The following SNX6 variants were observed in gnomAD, a reference collection of about 807,000 sequenced individuals.
SNX6 encodes sorting nexin 6, also known as sorting nexin-6.
Under a neutral mutation model 63.0 loss-of-function variants are expected in SNX6, and 34 were observed. That is an observed-to-expected ratio of 0.54 (90% CI 0.41 to 0.72). The LOEUF (loss-of-function observed/expected upper bound fraction) is 0.72, where lower values mean the gene tolerates loss of function less well. SNX6 is among the 30% of genes least tolerant of loss of function. The probability of loss-of-function intolerance (pLI) is 0.00; values close to 1 mark genes in which losing one functional copy is unlikely to be tolerated. For synonymous variants in SNX6, 170 were observed against 164.2 expected (o/e 1.04, Z -0.27); for missense variants, 398 against 471.4 (o/e 0.84, Z 1.44).
chr14:34,569,857 T>C (rs1881364140), intron 11 of SNX6, among the ~76,000 whole-genome samples: 1 of 152,206 alleles, frequency 6.6e-6, no homozygotes, highest in Non-Finnish European at 1.5e-5. Flanking sequence ...AACATTTGCA[T>C]ACAAGTGTTT....
intron 10 of SNX6, 95 bp from the exon 11 acceptor site, chr14:34,575,937 T>TG (rs1594701251): frequency 1.5e-6 from 1 of 671,270 alleles, no homozygotes; most frequent in Non-Finnish European, 2.4e-6. Flanking sequence ...TTTGTTTTTT[T>TG]TTTTGAGACG....
At chr14:34,593,612 A>C (rs1429788835) in intron 7 of SNX6, among the ~76,000 whole-genome samples, 8 of 133,576 alleles carry the variant, frequency 6.0e-5, no homozygotes, top group African/African-American at 1.2e-4. Context: ...TCGCTCTGTC[A>C]CCAGGCTGGA....
At chr14:34,621,608 T>C (rs889203739) in intron 2 of SNX6, among the ~76,000 whole-genome samples, 25 of 152,206 alleles carry the variant, frequency 1.6e-4, no homozygotes, top group Non-Finnish European at 1.6e-4. Flanking sequence ...GCAGGTTAGA[T>C]GCCTCACAGG....
chr14:34,587,254 C>T (rs932490468), intron 8 of SNX6, among the ~76,000 whole-genome samples: 3 of 151,624 alleles, frequency 2.0e-5, no homozygotes, highest in Admixed American at 6.6e-5. Flanking sequence ...ATAACATGGC[C>T]GGGCACGGTG....
At chr14:34,620,622 A>T (rs1428835147) in intron 2 of SNX6, among the ~76,000 whole-genome samples, 1 of 151,874 alleles carries the variant, frequency 6.6e-6, no homozygotes, top group African/African-American at 2.4e-5. Context: ...CTCAACCTTT[A>T]AAACAAAAAA....
chr14:34,587,845 C>G (rs1330086984), intron 8 of SNX6, among the ~76,000 whole-genome samples: 1 of 138,470 alleles, frequency 7.2e-6, no homozygotes, highest in Non-Finnish European at 1.5e-5. Flanking sequence ...AGGCCTGACT[C>G]TGCCACCCAG....
In SNX6 at chr14:34,629,727, G is replaced by A. The variant is rs1427475163; in HGVS notation, c.54+180C>T. ...GCGGGTCCCCGGGAATCGGAGCCGA[G>A]CGGCCCCTAGGGAGGAAGGGCTGCG... On this transcript the variant is annotated intron_variant, in intron 2 of 13. Transcript: ENST00000362031. 5.8e-6 allele frequency: 6 copies of A among 1,030,274 alleles called. No homozygotes were observed. In the African/African-American group the frequency reaches 8.0e-5, roughly 14 times the overall value. 63.8% of individuals were successfully genotyped at this position (1,030,274 alleles called of 1,614,324 possible). A position where few individuals can be genotyped will look rare whatever the true frequency, so the allele number is the denominator to read the frequency against.
At chr14:34,624,353 G>C (rs952894048) in intron 2 of SNX6, among the ~76,000 whole-genome samples, 1 of 152,086 alleles carries the variant, frequency 6.6e-6, no homozygotes, top group African/African-American at 2.4e-5. Flanking sequence ...TGCCCATCTC[G>C]GCCTCGCAAA....
intron 4 of SNX6, among the ~76,000 whole-genome samples, chr14:34,606,500 T>C (rs1226664623): frequency 6.6e-6 from 1 of 151,050 alleles, no homozygotes; most frequent in African/African-American, 2.4e-5. Flanking sequence ...TTGCCCAACC[T>C]GGACTGCAAT....
chr14:34,568,475 C>T lies in SNX6; in HGVS notation c.922-462G>A, dbSNP rs150303086. ...CGATCTCTTGACCTCGTGATCCACC[C>T]GCCTCGGCCTCCCAAAGTTATTCTA... On this transcript the variant is annotated intron_variant, in intron 11 of 13. Coordinates refer to ENST00000362031, the MANE Select transcript of SNX6 (RefSeq NM_152233.4). Among the ~76,000 whole-genome samples, 348 of 151,912 alleles carry T rather than the reference C, an allele frequency of 2.3e-3. 1 individual carries two copies. The highest frequency in any genetic ancestry group is 7.9e-3 in the African/African-American group (329 of 41,446).
intron 11 of SNX6, among the ~76,000 whole-genome samples, chr14:34,569,426 T>C (rs570730564): frequency 6.6e-6 from 1 of 152,076 alleles, no homozygotes; most frequent in Non-Finnish European, 1.5e-5. Flanking sequence ...GACATGTTTT[T>C]TTTTTTTGTT....
At chr14:34,603,783 G>A (rs10151832) in intron 5 of SNX6, among the ~76,000 whole-genome samples, 127,281 of 152,052 alleles carry the variant, frequency 0.84, 53,414 homozygotes, top group Non-Finnish European at 0.85. Context: ...AGCTCTACAG[G>A]AAGTGTGCTA....
chr14:34,600,479 T>C (rs139348439), intron 6 of SNX6, among the ~76,000 whole-genome samples: 3,143 of 151,878 alleles, frequency 0.021, 103 homozygotes, highest in African/African-American at 0.068. Context: ...GGTCTCACTA[T>C]GTTGCCCAGG....
At chr14:34,601,590 T>C (rs1336242892) in intron 6 of SNX6, among the ~76,000 whole-genome samples, 1 of 151,290 alleles carries the variant, frequency 6.6e-6, no homozygotes, top group Non-Finnish European at 1.5e-5. Context: ...TAACATGATT[T>C]ATTTTTTATT....
rs564085130 is a variant in SNX6, at chr14:34,593,618, C to CTGGA, written c.613-472_613-469dup. On this transcript the variant is annotated intron_variant, in intron 7 of 13. Coordinates refer to ENST00000362031, the MANE Select transcript of SNX6 (RefSeq NM_152233.4). The stretch of plus-strand genomic sequence containing the variant: ...GGCAAAGTCTCGCTCTGTCACCAGG[C>CTGGA]TGGAGTGCAGTGGCGCGATCTTGGC... 1.9e-4 allele frequency among the ~76,000 whole-genome samples: 29 copies of CTGGA among 150,382 alleles called. No individual in the cohort carries two copies. The East Asian group carries it at 5.6e-3, about 29-fold the overall frequency.
At chr14:34,615,771 A>G (rs1286804192) in intron 2 of SNX6, among the ~76,000 whole-genome samples, 2 of 152,042 alleles carry the variant, frequency 1.3e-5, no homozygotes, top group Non-Finnish European at 1.5e-5. Flanking sequence ...TGAGCCTGTA[A>G]TAGGACTTAT....
In SNX6 at chr14:34,604,266, C is replaced by G. The variant is rs776982976; in HGVS notation, c.393-795G>C. 5 of 1,266,688 alleles carry G rather than the reference C, an allele frequency of 3.9e-6. No homozygotes were observed. The South Asian group carries it at 6.5e-5, about 17-fold the overall frequency. 78.5% of individuals were successfully genotyped at this position (1,266,688 alleles called of 1,614,324 possible). On this transcript the variant is annotated intron_variant, in intron 5 of 13. Transcript: ENST00000362031. ...AAACCCAAGGTTCTCTGTTATCCAACCCCTAACCAGACCACAAAAGAATCA... is the reference window on the plus strand; with the variant it reads ...AAACCCAAGGTTCTCTGTTATCCAAGCCCTAACCAGACCACAAAAGAATCA...
rs759186142 is a variant in SNX6 at position 34,593,008 on chromosome 14, T to C, written c.718+37A>G. 124 of 1,318,854 alleles carry C rather than the reference T, an allele frequency of 9.4e-5. 1 individual carries two copies. Among genetic ancestry groups the C allele is most frequent in the Non-Finnish European group, 4.3e-6 (4 of 930,108 alleles). The allele number at this position is 1,318,854 out of a possible 1,614,324, so 81.7% of individuals were successfully genotyped here. ...TAATATGAACTTTATAATTATTCCA[T>C]TAAAAGATATAAGCTTTAGCCACAG... On this transcript the variant is annotated intron_variant, in intron 8 of 13. Transcript: ENST00000362031.
chr14:34,626,011 C>G (rs1883812170), intron 2 of SNX6, among the ~76,000 whole-genome samples: 1 of 152,058 alleles, frequency 6.6e-6, no homozygotes, highest in South Asian at 2.1e-4. Flanking sequence ...TGCTGTGTGA[C>G]CTCAGACTAC....
Sources: allele counts gnomAD v4.1 joint callset (sites outside exome capture counted in the v4.1 genomes callset), GRCh38; gene constraint gnomAD v4.1.1; transcripts MANE v1.5; gene names NCBI Gene and HGNC (gene_info 2026-07-23, HGNC 2026-07-21).